Variants in IFT52 observed in about 807,000 individuals in gnomAD.
The protein encoded by IFT52 is intraflagellar transport 52.
Under a neutral mutation model 54.4 loss-of-function variants are expected in IFT52, and 44 were observed. That is an observed-to-expected ratio of 0.81 (90% CI 0.63 to 1.04). IFT52 has a LOEUF of 1.04. IFT52 is among the 50% of genes least tolerant of loss of function. The pLI is 0.00. For missense variants in IFT52, 452 were observed against 523.6 expected, an observed-to-expected ratio of 0.86 and a Z score of 1.33; for synonymous variants, 181 against 185.3, an observed-to-expected ratio of 0.98 and a Z score of 0.19.
chr20:43,626,130 C>T, intron 10 of IFT52, among the ~76,000 whole-genome samples: 1 of 151,222 alleles, frequency 6.6e-6, no homozygotes, highest in African/African-American at 2.4e-5. Flanking sequence ...GTTGAGATGT[C>T]AATTAGGTAT....
At position 43,642,514 on chromosome 20, in the gene IFT52, T is replaced by C. The variant is rs377617393; in HGVS notation, c.1156T>C (p.Cys386Arg). 2 of 1,614,010 alleles carry C rather than the reference T, an allele frequency of 1.2e-6. No homozygotes were observed. Among genetic ancestry groups the C allele is most frequent in the African/African-American group, 1.3e-5 (1 of 74,926 alleles). Residue 386 changes from cysteine to arginine, a missense_variant, in exon 13 of 14, where the codon TGT (cysteine) becomes CGT (arginine). Physicochemically the swap from Cys to Arg is radical, Grantham distance 180 (BLOSUM62 -3). Coordinates refer to ENST00000373030, the MANE Select transcript of IFT52 (RefSeq NM_016004.5). The part of the protein sequence containing the change: ...EEDLEFYVRK[C>R]GDILGVTSKL... ...AGACCTGGAATTTTATGTCAGGAAG[T>C]GTGGTGATATTCTTGGAGTAACCAG...
chr20:43,604,136 AT>A, intron 4 of IFT52, 46 bp from the exon 5 acceptor site: 1 of 1,479,730 alleles, frequency 6.8e-7, no homozygotes, highest in Non-Finnish European at 9.4e-7. Context: ...ATAATATCGA[AT>A]TTATTTCTAA....
At chr20:43,602,649 C>T (rs1982553354) in intron 3 of IFT52, among the ~76,000 whole-genome samples, 1 of 151,656 alleles carries the variant, frequency 6.6e-6, no homozygotes, top group Non-Finnish European at 1.5e-5. Context: ...GCTGGGGCTA[C>T]GGGTGCATAC....
chr20:43,617,445 T>A (rs1376236881), intron 7 of IFT52, among the ~76,000 whole-genome samples: 3 of 89,760 alleles, frequency 3.3e-5, no homozygotes, highest in Non-Finnish European at 7.0e-5. Context: ...GCCTTAGTTT[T>A]CTGGTTTTTT....
intron 10 of IFT52, among the ~76,000 whole-genome samples, chr20:43,626,946 C>T (rs886316214): frequency 4.6e-5 from 7 of 152,072 alleles, no homozygotes; most frequent in African/African-American, 1.7e-4. Flanking sequence ...GGGTGGATCA[C>T]TTGAGGCCAG....
intron 10 of IFT52, among the ~76,000 whole-genome samples, chr20:43,634,637 GGT>G (rs1985397046): frequency 1.3e-5 from 2 of 151,618 alleles, no homozygotes; most frequent in African/African-American, 4.9e-5. Context: ...TATTTTATGA[GGT>G]GTTTTTTTTT....
chr20:43,599,569 C>G (rs1282417449), intron 3 of IFT52, among the ~76,000 whole-genome samples: 1 of 152,012 alleles, frequency 6.6e-6, no homozygotes, highest in Non-Finnish European at 1.5e-5. Context: ...ATCAGCATTC[C>G]TTTGTGTTAC....
At chr20:43,637,454 G>A (rs569574146) in intron 12 of IFT52, among the ~76,000 whole-genome samples, 1 of 152,076 alleles carries the variant, frequency 6.6e-6, no homozygotes, top group Non-Finnish European at 1.5e-5. Context: ...GTAGAGACGG[G>A]GTTTCATCAT....
intron 13 of IFT52, among the ~76,000 whole-genome samples, chr20:43,646,035 C>T (rs1986174875): frequency 2.0e-5 from 3 of 151,606 alleles, no homozygotes; most frequent in Admixed American, 1.3e-4. Flanking sequence ...TGTGAAACCC[C>T]GTCTCCACTA....
At chr20:43,640,770 T>G (rs982031490) in intron 12 of IFT52, among the ~76,000 whole-genome samples, 2 of 152,100 alleles carry the variant, frequency 1.3e-5, no homozygotes, top group Non-Finnish European at 2.9e-5. Flanking sequence ...GCTCAGTGGC[T>G]CATGCCTATA....
chr20:43,612,787 A>G (rs1983559710), intron 6 of IFT52, among the ~76,000 whole-genome samples: 1 of 152,218 alleles, frequency 6.6e-6, no homozygotes, highest in African/African-American at 2.4e-5. Flanking sequence ...AGGGAAATTA[A>G]AATCTCTATG....
intron 1 of IFT52, among the ~76,000 whole-genome samples, chr20:43,593,059 A>G (rs1360252942): frequency 6.6e-6 from 1 of 152,198 alleles, no homozygotes; most frequent in Non-Finnish European, 1.5e-5. Context: ...TGATTGCAGC[A>G]CTGCACTCCC....
intron 3 of IFT52, among the ~76,000 whole-genome samples, chr20:43,597,381 A>G (rs66803654): frequency 2.0e-5 from 3 of 146,416 alleles, no homozygotes; most frequent in Non-Finnish European, 4.5e-5. Flanking sequence ...CAAAAAAAAA[A>G]AAAGAAAGAA....
intron 12 of IFT52, among the ~76,000 whole-genome samples, chr20:43,639,588 T>G (rs1481345878): frequency 6.6e-6 from 1 of 152,144 alleles, no homozygotes; most frequent in Non-Finnish European, 1.5e-5. Context: ...GAGAATCGCT[T>G]GAACCCAGGA....
intron 6 of IFT52, among the ~76,000 whole-genome samples, chr20:43,612,829 C>G (rs1983563419): frequency 6.6e-6 from 1 of 152,100 alleles, no homozygotes; most frequent in Admixed American, 6.6e-5. Flanking sequence ...CCCCTATACC[C>G]CCTCCCCCAG....
chr20:43,607,272 C>A (rs1179055410), intron 6 of IFT52, among the ~76,000 whole-genome samples: 3 of 150,540 alleles, frequency 2.0e-5, no homozygotes, highest in Admixed American at 6.6e-5. Context: ...CTGACCCCCC[C>A]ACCTCCCTCC....
At chr20:43,640,309 A>G (rs1395303283) in intron 12 of IFT52, among the ~76,000 whole-genome samples, 1 of 151,894 alleles carries the variant, frequency 6.6e-6, no homozygotes, top group Admixed American at 6.6e-5. Flanking sequence ...AAAAATAAAA[A>G]ATTAGCCAGG....
intron 12 of IFT52, among the ~76,000 whole-genome samples, chr20:43,637,868 A>C (rs924167818): frequency 3.3e-5 from 5 of 152,208 alleles, no homozygotes; most frequent in South Asian, 2.1e-4. Flanking sequence ...CCTGGCTGCC[A>C]CTTAGCAAAT....
chr20:43,640,107 T>A (rs1373232131), intron 12 of IFT52, among the ~76,000 whole-genome samples: 1 of 152,060 alleles, frequency 6.6e-6, no homozygotes, highest in African/African-American at 2.4e-5. Context: ...AAGGCTGCAG[T>A]GAGCTAAGAT....
Sources: allele counts gnomAD v4.1 joint callset (sites outside exome capture counted in the v4.1 genomes callset), GRCh38; gene constraint gnomAD v4.1.1; transcripts MANE v1.5; gene names NCBI Gene and HGNC (gene_info 2026-07-23, HGNC 2026-07-21).